The following KIAA1671 variants were observed in gnomAD, a reference collection of about 807,000 sequenced individuals.
KIAA1671 encodes KIAA1671.
In KIAA1671, 52 loss-of-function variants were observed where a neutral mutation model predicts 131.2. The observed-to-expected ratio is 0.40, with a 90% confidence interval of 0.32 to 0.50. KIAA1671 has a LOEUF of 0.50. Ranked by LOEUF, KIAA1671 falls within the 20% of genes least tolerant of loss-of-function variation. The pLI, the probability that KIAA1671 is intolerant of heterozygous loss-of-function variation, is 0.73. For synonymous variants in KIAA1671, 1,003 were observed against 961.6 expected, an observed-to-expected ratio of 1.04 and a Z score of -0.80; for missense variants, 2,360 against 2,364.2, an observed-to-expected ratio of 1.00 and a Z score of 0.04.
intron 6 of KIAA1671, among the ~76,000 whole-genome samples, chr22:25,136,123 A>G (rs1932664679): frequency 6.6e-6 from 1 of 152,174 alleles, no homozygotes; most frequent in South Asian, 2.1e-4. Context: ...CTGAGTAGGA[A>G]ACTTCCTTGG....
intron 6 of KIAA1671, among the ~76,000 whole-genome samples, chr22:25,147,104 C>T (rs1932893139): frequency 6.6e-6 from 1 of 152,154 alleles, no homozygotes; most frequent in Non-Finnish European, 1.5e-5. Context: ...CTCCTTGATC[C>T]AAACGTCAAA....
chr22:25,161,079 T>C (rs772744824), intron 6 of KIAA1671, among the ~76,000 whole-genome samples: 5 of 151,198 alleles, frequency 3.3e-5, no homozygotes, highest in Non-Finnish European at 7.4e-5. Context: ...TCCTCACCTC[T>C]CCCTTCTTCT....
chr22:25,006,918 G>A (rs559814085), intron 1 of KIAA1671, among the ~76,000 whole-genome samples: 2 of 152,276 alleles, frequency 1.3e-5, no homozygotes, highest in Non-Finnish European at 2.9e-5. Context: ...AATCACATCT[G>A]CAAAGTCCCT....
intron 5 of KIAA1671, among the ~76,000 whole-genome samples, chr22:25,044,675 A>G (rs1927127457): frequency 1.3e-5 from 2 of 152,154 alleles, no homozygotes; most frequent in Admixed American, 6.5e-5. Flanking sequence ...GAAGGAAAAA[A>G]TGTTGGTTGT....
intron 6 of KIAA1671, among the ~76,000 whole-genome samples, chr22:25,066,012 G>A (rs981628174): frequency 1.3e-5 from 2 of 152,122 alleles, no homozygotes; most frequent in African/African-American, 4.8e-5. Flanking sequence ...GGATCAAGGT[G>A]CCAGCAGGTT....
chr22:25,140,305 A>C (rs1932788095), intron 6 of KIAA1671, among the ~76,000 whole-genome samples: 2 of 151,812 alleles, frequency 1.3e-5, no homozygotes, highest in Admixed American at 6.6e-5. Context: ...TCTCATGGCC[A>C]TTTGCTTCAT....
intron 6 of KIAA1671, among the ~76,000 whole-genome samples, chr22:25,094,105 C>T (rs996441924): frequency 2.0e-5 from 3 of 152,196 alleles, no homozygotes; most frequent in East Asian, 1.9e-4. Context: ...TCGAAGAAAG[C>T]GAACCATCAA....
At chr22:24,977,173 G>A (rs1028559406) in intron 1 of KIAA1671, among the ~76,000 whole-genome samples, 5 of 152,110 alleles carry the variant, frequency 3.3e-5, no homozygotes, top group African/African-American at 1.2e-4. Context: ...TTATACTCAC[G>A]TTTCCACGAT....
At chr22:25,127,026 T>G (rs1370207273) in intron 6 of KIAA1671, among the ~76,000 whole-genome samples, 2 of 152,216 alleles carry the variant, frequency 1.3e-5, no homozygotes, top group Non-Finnish European at 2.9e-5. Context: ...GGTTGTGGTG[T>G]GACCTCTTAA....
At chr22:25,102,472 T>G (rs1046496187) in intron 6 of KIAA1671, 4 of 150,334 alleles carry the variant, frequency 2.7e-5, no homozygotes, top group African/African-American at 1.0e-4. Flanking sequence ...AGACAGAGTC[T>G]TGTTCTGTCG....
At chr22:25,110,741 G>A (rs1931287107) in intron 6 of KIAA1671, among the ~76,000 whole-genome samples, 1 of 152,156 alleles carries the variant, frequency 6.6e-6, no homozygotes, top group East Asian at 1.9e-4. Flanking sequence ...GGGTCTAGTC[G>A]TACCCCCAAC....
intron 6 of KIAA1671, among the ~76,000 whole-genome samples, chr22:25,125,628 A>G (rs1164849761): frequency 1.3e-5 from 2 of 152,206 alleles, no homozygotes; most frequent in Non-Finnish European, 2.9e-5. Context: ...TGGGCACTGT[A>G]GGATGCTGAG....
intron 1 of KIAA1671, among the ~76,000 whole-genome samples, chr22:24,991,991 T>C (rs1198488615): frequency 6.6e-6 from 1 of 152,120 alleles, no homozygotes; most frequent in Non-Finnish European, 1.5e-5. Context: ...CATCCCCTCC[T>C]TGGCACAGCC....
At chr22:25,044,203 T>G (rs1185868737) in intron 5 of KIAA1671, among the ~76,000 whole-genome samples, 1 of 152,212 alleles carries the variant, frequency 6.6e-6, no homozygotes, top group Non-Finnish European at 1.5e-5. Flanking sequence ...TGGCCTCTCC[T>G]GGCCTCAGTT....
intron 4 of KIAA1671, among the ~76,000 whole-genome samples, chr22:25,034,862 T>C (rs1294029575): frequency 2.0e-5 from 3 of 151,926 alleles, no homozygotes; most frequent in Non-Finnish European, 4.4e-5. Context: ...CTCAGCCTCC[T>C]GAGTAGCTGG....
intron 6 of KIAA1671, among the ~76,000 whole-genome samples, chr22:25,093,880 C>T (rs1419200817): frequency 8.2e-6 from 1 of 122,106 alleles, no homozygotes; most frequent in African/African-American, 3.1e-5. Context: ...CTCTCTCTCT[C>T]TCTCTCCCTT....
intron 1 of KIAA1671, among the ~76,000 whole-genome samples, chr22:24,982,899 G>C (rs1035563860): frequency 1.3e-5 from 2 of 152,226 alleles, no homozygotes; most frequent in Non-Finnish European, 2.9e-5. Context: ...CCTGGGTGCT[G>C]GTTTCCCTGG....
chr22:25,007,301 C>T (rs1230148560), intron 1 of KIAA1671, among the ~76,000 whole-genome samples: 1 of 152,056 alleles, frequency 6.6e-6, no homozygotes, highest in African/African-American at 2.4e-5. Context: ...TCCTGGCCAA[C>T]ATGGTGAAAC....
chr22:25,122,297 C>T (rs188639456), intron 6 of KIAA1671, among the ~76,000 whole-genome samples: 161 of 152,146 alleles, frequency 1.1e-3, no homozygotes, highest in African/African-American at 3.7e-3. Flanking sequence ...CCATTGATTG[C>T]CATGGTAACA....
Sources: gnomAD v4.1 joint callset for allele counts (sites outside exome capture counted in the v4.1 genomes callset) on GRCh38, gnomAD v4.1.1 for gene constraint, MANE v1.5 for transcripts, NCBI Gene and HGNC (gene_info 2026-07-23, HGNC 2026-07-21) for gene names.